Variants in CD9 observed in about 807,000 individuals in gnomAD.
CD9 encodes the protein CD9 molecule, also known as CD9 antigen.
In CD9, 10 loss-of-function variants were observed where a neutral mutation model predicts 31.4. The observed-to-expected ratio is 0.32, with a 90% CI of 0.20 to 0.54. The LOEUF (loss-of-function observed/expected upper bound fraction) is 0.54. CD9 is among the 20% of genes least tolerant of loss of function. CD9 has a pLI of 0.94. For synonymous variants in CD9, 113 were observed against 114.1 expected (o/e 0.99, Z 0.06); for missense variants, 259 against 300.1 (o/e 0.86, Z 1.01).
At chr12:6,217,789 A>G (rs1946256666) in intron 1 of CD9, among the ~76,000 whole-genome samples, 1 of 152,172 alleles carries the variant, frequency 6.6e-6, no homozygotes, top group Admixed American at 6.5e-5. Context: ...GCCCACCTCC[A>G]ACCCCTCCCA....
intron 1 of CD9, among the ~76,000 whole-genome samples, chr12:6,214,934 A>T (rs550265295): frequency 1.3e-5 from 2 of 152,070 alleles, no homozygotes; most frequent in African/African-American, 4.8e-5. Flanking sequence ...CTTTACCATG[A>T]CTTCCTGGCT....
At chr12:6,222,104 G>A (rs532678030) in intron 1 of CD9, among the ~76,000 whole-genome samples, 24 of 152,310 alleles carry the variant, frequency 1.6e-4, no homozygotes, top group African/African-American at 5.5e-4. Flanking sequence ...CTTAGATAGC[G>A]CTGCCTGACA....
chr12:6,236,292 C>T lies in CD9; in HGVS notation c.621+17C>T, dbSNP rs117467047. The T allele has an allele frequency of 1.0e-3, 1,643 of 1,611,330 alleles. 34 individuals are homozygous for T. In the East Asian group the frequency reaches 0.034, roughly 33 times the overall value. On this transcript the variant is annotated intron_variant, in intron 7 of 7. Coordinates refer to ENST00000009180, the MANE Select transcript of CD9 (RefSeq NM_001769.4). ...GTGGTCATGGTGAGTGGCAGGACGT[C>T]GTCCCAGGAGGGGGACTGAGGAGTT...
At position 6,210,983 on chromosome 12, in the gene CD9, C is replaced by T. The variant is rs542929683; in HGVS notation, c.66+10418C>T. 3.3e-5 allele frequency among the ~76,000 whole-genome samples: 5 copies of T among 151,910 alleles called. No individual in the cohort carries two copies. The East Asian group carries it at 7.8e-4, about 24-fold the overall frequency. The stretch of plus-strand genomic sequence containing the variant: ...TCCCAAGTAGCTGGGATTACAGGCA[C>T]GCACCACCATGCCTGGCTATTTTTT... On this transcript the variant is annotated intron_variant, in intron 1 of 7. Transcript: ENST00000009180.
At chr12:6,236,926 A>G (rs11064099) in intron 7 of CD9, among the ~76,000 whole-genome samples, 9,431 of 152,184 alleles carry the variant, frequency 0.062, 904 homozygotes, top group African/African-American at 0.2. Context: ...CGGCATCTTA[A>G]GAAAGGCATG....
In CD9 at chr12:6,200,592, C is replaced by T. The variant is rs768366864; in HGVS notation, c.66+27C>T. ...TGAGTGAGCGCGACTGCCGCGCGCTCCTCTCAGGGCCCACCTGTTCGCGGG... is the reference window on the plus strand; with the variant it reads ...TGAGTGAGCGCGACTGCCGCGCGCTTCTCTCAGGGCCCACCTGTTCGCGGG... On this transcript the variant is annotated intron_variant, in intron 1 of 7. Coordinates refer to ENST00000009180, the MANE Select transcript of CD9 (RefSeq NM_001769.4). 9 of 1,524,004 alleles carry T rather than the reference C, an allele frequency of 5.9e-6. No individual in the cohort carries two copies. In the East Asian group the frequency reaches 9.0e-5, roughly 15 times the overall value. 94.4% of individuals were successfully genotyped at this position (1,524,004 alleles called of 1,614,324 possible). A position where few individuals can be genotyped will look rare whatever the true frequency, so the allele number is the denominator to read the frequency against.
chr12:6,217,901 A>G (rs78554460), intron 1 of CD9, among the ~76,000 whole-genome samples: 372 of 152,280 alleles, frequency 2.4e-3, no homozygotes, highest in African/African-American at 8.5e-3. Context: ...AGGCAGCTGA[A>G]TAGAGGAAGC....
intron 1 of CD9, among the ~76,000 whole-genome samples, chr12:6,203,954 G>C (rs1277434084): frequency 3.3e-5 from 5 of 152,068 alleles, no homozygotes; most frequent in Non-Finnish European, 7.4e-5. Context: ...CTCATGCCTC[G>C]CTCACTGATG....
chr12:6,230,194 G>A (rs749055804), intron 2 of CD9, among the ~76,000 whole-genome samples: 23 of 152,132 alleles, frequency 1.5e-4, no homozygotes, highest in Non-Finnish European at 2.6e-4. Flanking sequence ...CCAGGGGATC[G>A]CTTCCCTTTT....
At chr12:6,214,344 CTTTTT>C (rs71450123) in intron 1 of CD9, among the ~76,000 whole-genome samples, 22 of 67,078 alleles carry the variant, frequency 3.3e-4, no homozygotes, top group South Asian at 2.0e-3. Flanking sequence ...CCATTAGCCT[CTTTTT>C]TTTTTTTTTT....
chr12:6,232,746 C>T lies in CD9; in HGVS notation c.273+17C>T. 6.7e-7 allele frequency: 1 copy of T among 1,498,600 alleles called. No individual in the cohort carries two copies. The highest frequency in any genetic ancestry group is 9.0e-7 in the Non-Finnish European group (1 of 1,109,874). The allele number at this position is 1,498,600 out of a possible 1,614,324, so 92.8% of individuals were successfully genotyped here. On this transcript the variant is annotated intron_variant, in intron 3 of 7. Transcript: ENST00000009180. This position sits in a 1 kb window ranked among gnomAD's most constrained non-coding sequence, Gnocchi z 4.8. ...CTGGGACTGGTGAGTATCCCCTCGG[C>T]ATCCCCACAGCCACCCTGACTCCCA... is the stretch of plus-strand genomic sequence containing the variant.
In CD9 at chr12:6,232,613, T is replaced by C; in HGVS notation, c.176-19T>C. ...AACTGATGTCTCCACGCGTGTGTGCTTCCTCTGTCCTCCCGCAGGAGTCTA... is the reference window on the plus strand; with the variant it reads ...AACTGATGTCTCCACGCGTGTGTGCCTCCTCTGTCCTCCCGCAGGAGTCTA... On this transcript the variant is annotated intron_variant, in intron 2 of 7. Transcript: ENST00000009180. This position sits in a 1 kb window ranked among gnomAD's most constrained non-coding sequence, Gnocchi z 4.8. 1 of 1,514,576 alleles carries C rather than the reference T, an allele frequency of 6.6e-7. No homozygotes were observed. The highest frequency in any genetic ancestry group is 1.2e-5 in the South Asian group (1 of 83,692). 93.8% of individuals were successfully genotyped at this position (1,514,576 alleles called of 1,614,324 possible). A position where few individuals can be genotyped will look rare whatever the true frequency, so the allele number is the denominator to read the frequency against.
chr12:6,224,392 C>T (rs1036968434), intron 1 of CD9, among the ~76,000 whole-genome samples: 8 of 152,006 alleles, frequency 5.3e-5, no homozygotes, highest in South Asian at 2.1e-4. Context: ...CTGCTGCAGG[C>T]GGAGGTCTGG....
intron 1 of CD9, among the ~76,000 whole-genome samples, chr12:6,204,233 A>C (rs11064086): frequency 6.3e-4 from 96 of 152,326 alleles, no homozygotes; most frequent in Admixed American, 1.2e-3. Context: ...ACCCCTACAC[A>C]TACCACATAC....
intron 1 of CD9, among the ~76,000 whole-genome samples, chr12:6,224,622 G>A (rs752645223): frequency 1.3e-5 from 2 of 152,158 alleles, no homozygotes; most frequent in Non-Finnish European, 2.9e-5. Flanking sequence ...CAAAACCTGG[G>A]CCCACCCACT....
chr12:6,210,294 G>A (rs1946180790), intron 1 of CD9, among the ~76,000 whole-genome samples: 1 of 152,242 alleles, frequency 6.6e-6, no homozygotes, highest in Non-Finnish European at 1.5e-5. Flanking sequence ...CCAATGGGCA[G>A]CTGCAACAGT....
intron 1 of CD9, among the ~76,000 whole-genome samples, chr12:6,210,547 C>T (rs756787141): frequency 3.9e-5 from 6 of 152,232 alleles, no homozygotes; most frequent in Non-Finnish European, 8.8e-5. Context: ...GGCCATGCAG[C>T]TGCCCTGCTG....
intron 1 of CD9, among the ~76,000 whole-genome samples, chr12:6,222,083 C>T (rs1048056522): frequency 2.0e-5 from 3 of 152,204 alleles, no homozygotes; most frequent in African/African-American, 7.2e-5. Flanking sequence ...CTAGAAAATA[C>T]TTCAGAGCGC....
intron 1 of CD9, among the ~76,000 whole-genome samples, chr12:6,216,012 G>A (rs1946239292): frequency 6.6e-6 from 1 of 152,214 alleles, no homozygotes; most frequent in African/African-American, 2.4e-5. Flanking sequence ...TTCATTTGGA[G>A]GTGGGAGAGG....
Sources: gnomAD v4.1 joint callset for allele counts (sites outside exome capture counted in the v4.1 genomes callset) on GRCh38, gnomAD v4.1.1 for gene constraint, Gnocchi (gnomAD v3.1) non-coding constraint, MANE v1.5 for transcripts, NCBI Gene and HGNC (gene_info 2026-07-23, HGNC 2026-07-21) for gene names.